Variants in ZFAT observed in about 807,000 individuals in gnomAD.
ZFAT encodes the protein zinc finger protein ZFAT.
Under a neutral mutation model 117.7 loss-of-function variants are expected in ZFAT, and 64 were observed. That is an observed-to-expected ratio of 0.54 (90% CI 0.44 to 0.67). The LOEUF is 0.67. Ranked by LOEUF, ZFAT falls within the 30% of genes least tolerant of loss-of-function variation. The pLI is 0.00. For missense variants in ZFAT, 1,433 were observed against 1,584.5 expected (o/e 0.90, Z 1.62); for synonymous variants, 679 against 615.0 (o/e 1.10, Z -1.54).
intron 1 of ZFAT, among the ~76,000 whole-genome samples, chr8:134,695,831 A>T (rs1240455307): frequency 7.2e-6 from 1 of 138,704 alleles, no homozygotes; most frequent in East Asian, 2.3e-4. Context: ...GTCTCTAATC[A>T]AGGAGGCGCC....
chr8:134,514,462 C>T (rs778381161), intron 13 of ZFAT, among the ~76,000 whole-genome samples: 29 of 152,146 alleles, frequency 1.9e-4, no homozygotes, highest in Non-Finnish European at 4.1e-4. Context: ...AAGTGATCAT[C>T]ATCAACATCC....
At chr8:134,744,451 A>G in the ZFAT span, among the ~76,000 whole-genome samples, 14 of 151,882 alleles carry the variant, frequency 9.2e-5, no homozygotes, top group Non-Finnish European at 2.1e-4. Context: ...ACCCGCCACC[A>G]TGCCCGGCTA....
At chr8:134,505,712 T>C (rs4909834) in intron 15 of ZFAT, among the ~76,000 whole-genome samples, 97,809 of 151,962 alleles carry the variant, frequency 0.64, 32,075 homozygotes, top group South Asian at 0.72. Flanking sequence ...GCAGGTGGCC[T>C]CTAGATGCCC....
At chr8:134,736,300 C>T in the ZFAT span, among the ~76,000 whole-genome samples, 3 of 152,264 alleles carry the variant, frequency 2.0e-5, no homozygotes, top group East Asian at 1.9e-4. Context: ...GCCCTTTCTT[C>T]GTGAGTTATA....
chr8:134,600,946 T>G (rs928804479), intron 6 of ZFAT, among the ~76,000 whole-genome samples: 1 of 152,180 alleles, frequency 6.6e-6, no homozygotes, highest in Admixed American at 6.5e-5. Flanking sequence ...AATACCATGA[T>G]GCACATGCAT....
chr8:134,744,069 A>T, the ZFAT span, among the ~76,000 whole-genome samples: 1 of 152,130 alleles, frequency 6.6e-6, no homozygotes, highest in Non-Finnish European at 1.5e-5. Flanking sequence ...CACACTTTCC[A>T]TGGGTCAGAA....
chr8:134,535,977 A>G (rs551957134), intron 11 of ZFAT, among the ~76,000 whole-genome samples: 6 of 152,302 alleles, frequency 3.9e-5, no homozygotes, highest in Non-Finnish European at 8.8e-5. Context: ...GGCGATGAAA[A>G]TAAGAAATGG....
intron 5 of ZFAT, among the ~76,000 whole-genome samples, chr8:134,606,346 T>C (rs1827887051): frequency 6.6e-6 from 1 of 152,264 alleles, no homozygotes; most frequent in Non-Finnish European, 1.5e-5. Flanking sequence ...CATGAAGTTA[T>C]GCCTTGTTGC....
chr8:134,549,407 T>C (rs368460095), intron 11 of ZFAT, among the ~76,000 whole-genome samples: 30 of 148,304 alleles, frequency 2.0e-4, no homozygotes, highest in African/African-American at 6.8e-4. Context: ...CGCCACTGTA[T>C]TCCAGCCTGG....
At chr8:134,601,095 C>A (rs758153086) in intron 6 of ZFAT, among the ~76,000 whole-genome samples, 4 of 152,146 alleles carry the variant, frequency 2.6e-5, no homozygotes, top group Non-Finnish European at 4.4e-5. Flanking sequence ...CTATTTGGGA[C>A]CTCCCTACAG....
At chr8:134,735,016 C>T in the ZFAT span, among the ~76,000 whole-genome samples, 1 of 152,086 alleles carries the variant, frequency 6.6e-6, no homozygotes, top group African/African-American at 2.4e-5. Context: ...AGTGTGGGTG[C>T]AAGTGTCTGC....
At chr8:134,795,482 T>C in the ZFAT span, 2 of 152,294 alleles carry the variant, frequency 1.3e-5, no homozygotes, top group East Asian at 1.9e-4. Flanking sequence ...ATTACATGCA[T>C]GTGTGTGCAC....
In ZFAT at chr8:134,565,506, A is replaced by T. The variant is rs759233531; in HGVS notation, c.2888-85T>A. The T allele has an allele frequency of 3.9e-6, 5 of 1,277,246 alleles. No homozygotes were observed. The East Asian group carries it at 9.3e-5, about 24-fold the overall frequency. The allele number at this position is 1,277,246 out of a possible 1,614,324, so 79.1% of individuals were successfully genotyped here. A position where few individuals can be genotyped will look rare whatever the true frequency, so the allele number is the denominator to read the frequency against. On this transcript the variant is annotated intron_variant, in intron 10 of 15. Transcript: ENST00000377838. ...AAGTGCCAGGCATGGAGCCAGGTAC[A>T]CAAAGGTGTTCCTTGCCATGTGAGG...
At chr8:134,698,766 G>C (rs1043093207) in intron 1 of ZFAT, among the ~76,000 whole-genome samples, 9 of 152,080 alleles carry the variant, frequency 5.9e-5, no homozygotes, top group Non-Finnish European at 1.2e-4. Flanking sequence ...TCCCCTGGAA[G>C]GGCACCAAGA....
At chr8:134,484,972 G>C (rs568558283) in intron 15 of ZFAT, among the ~76,000 whole-genome samples, 10 of 152,160 alleles carry the variant, frequency 6.6e-5, no homozygotes, top group African/African-American at 2.4e-4. Flanking sequence ...AACACACAAT[G>C]ATGATGATGA....
At chr8:134,649,911 C>T (rs2073993043) in intron 2 of ZFAT, among the ~76,000 whole-genome samples, 1 of 152,028 alleles carries the variant, frequency 6.6e-6, no homozygotes, top group Admixed American at 6.5e-5. Flanking sequence ...GGCAGTTTCC[C>T]CCATGCCGTT....
chr8:134,655,881 C>G (rs1831571338), intron 2 of ZFAT, among the ~76,000 whole-genome samples: 1 of 151,566 alleles, frequency 6.6e-6, no homozygotes, highest in South Asian at 2.1e-4. Context: ...AGATGAAACC[C>G]TGTCTCTACA....
Position 134,549,032 on chromosome 8 carries a change from T to C in ZFAT, c.2977-16060A>G, listed in dbSNP as rs558884737. 5.3e-5 allele frequency among the ~76,000 whole-genome samples: 8 copies of C among 152,268 alleles called. No homozygotes were observed. The South Asian group carries it at 1.5e-3, about 28-fold the overall frequency. On this transcript the variant is annotated intron_variant, in intron 11 of 15. Transcript: ENST00000377838. ...TTCCACTCGGAAGAATTCCATCACA[T>C]TGAATCTCTGAACTCCAAGGCCCAT... is the stretch of plus-strand genomic sequence containing the variant.
chr8:134,789,716 A>G, the ZFAT span, among the ~76,000 whole-genome samples: 1 of 152,328 alleles, frequency 6.6e-6, no homozygotes, highest in East Asian at 1.9e-4. Flanking sequence ...TGGACAGCCT[A>G]CATCTGAAAG....
Sources: gnomAD v4.1 joint callset for allele counts (sites outside exome capture counted in the v4.1 genomes callset) on GRCh38, gnomAD v4.1.1 for gene constraint, MANE v1.5 for transcripts, NCBI Gene and HGNC (gene_info 2026-07-23, HGNC 2026-07-21) for gene names.